GPM6A: variants seen among roughly 807,000 people sequenced by gnomAD.
GPM6A encodes glycoprotein M6A.
In GPM6A, 7 loss-of-function variants were observed where a neutral mutation model predicts 32.1. The observed-to-expected ratio is 0.22, with a 90% confidence interval of 0.12 to 0.41. The LOEUF (loss-of-function observed/expected upper bound fraction) is 0.41, where lower values mean the gene tolerates loss of function less well. Among genes scored for constraint, GPM6A ranks in the 10% least tolerant of loss-of-function variants. The probability of loss-of-function intolerance (pLI) is 1.00; values close to 1 mark genes in which losing one functional copy is unlikely to be tolerated. For synonymous variants in GPM6A, 130 were observed against 123.4 expected, an observed-to-expected ratio of 1.05 and a Z score of -0.35; for missense variants, 235 against 347.2, an observed-to-expected ratio of 0.68 and a Z score of 2.57.
At chr4:175,782,261 C>T (rs530169892) in intron 1 of GPM6A, among the ~76,000 whole-genome samples, 10 of 152,226 alleles carry the variant, frequency 6.6e-5, no homozygotes, top group Non-Finnish European at 1.0e-4. Flanking sequence ...TGTTTCTCAA[C>T]GATTTTTTTC....
At chr4:175,675,056 G>T (rs1743290391) in intron 2 of GPM6A, among the ~76,000 whole-genome samples, 1 of 151,950 alleles carries the variant, frequency 6.6e-6, no homozygotes, top group Non-Finnish European at 1.5e-5. Flanking sequence ...ACTAGGAAAT[G>T]ATATTCAATA....
chr4:175,752,539 C>A (rs1024862146), intron 1 of GPM6A, among the ~76,000 whole-genome samples: 1 of 152,068 alleles, frequency 6.6e-6, no homozygotes, highest in Non-Finnish European at 1.5e-5. Flanking sequence ...CTAAAAAAGT[C>A]GGCTCCAAGA....
chr4:175,720,768 G>T (rs1385473368), intron 1 of GPM6A, among the ~76,000 whole-genome samples: 1 of 152,030 alleles, frequency 6.6e-6, no homozygotes, highest in Non-Finnish European at 1.5e-5. Flanking sequence ...ATGATGTCCA[G>T]TCAAATTATA....
chr4:175,781,045 C>T lies in GPM6A; in HGVS notation c.37+31146G>A, dbSNP rs551696025. 4.6e-5 allele frequency among the ~76,000 whole-genome samples: 7 copies of T among 152,012 alleles called. No homozygotes were observed. The East Asian group carries it at 1.4e-3, about 29-fold the overall frequency. On this transcript the variant is annotated intron_variant, in intron 1 of 6. Transcript: ENST00000393658. Reference sequence around the variant, plus strand: ...ATCAGGAGAGGCAGGAAATGAAATACATAGTTCATCACCAACAAGACCAAA... The same window carrying T: ...ATCAGGAGAGGCAGGAAATGAAATATATAGTTCATCACCAACAAGACCAAA...
intron 1 of GPM6A, among the ~76,000 whole-genome samples, chr4:175,946,778 G>T (rs969828339): frequency 2.6e-5 from 4 of 152,144 alleles, no homozygotes; most frequent in Non-Finnish European, 5.9e-5. Context: ...AGAGCATTCT[G>T]GGGCTTGGAT....
chr4:175,956,226 C>T (rs902099651), intron 1 of GPM6A, among the ~76,000 whole-genome samples: 1 of 152,174 alleles, frequency 6.6e-6, no homozygotes, highest in South Asian at 2.1e-4. Context: ...CAGAAAGACA[C>T]ATGTTCTGTC....
At chr4:175,905,753 A>C (rs749809613) in intron 1 of GPM6A, among the ~76,000 whole-genome samples, 2 of 152,146 alleles carry the variant, frequency 1.3e-5, no homozygotes, top group Admixed American at 1.3e-4. Flanking sequence ...TCATCTAAAA[A>C]TACGGGTCTT....
intron 1 of GPM6A, among the ~76,000 whole-genome samples, chr4:175,958,481 A>C (rs1740059331): frequency 6.6e-6 from 1 of 152,228 alleles, no homozygotes; most frequent in Admixed American, 6.5e-5. Flanking sequence ...AGCCACTTTC[A>C]ACATCTGTCT....
At chr4:175,896,604 AG>A (rs1737800549) in intron 1 of GPM6A, among the ~76,000 whole-genome samples, 1 of 152,082 alleles carries the variant, frequency 6.6e-6, no homozygotes, top group Non-Finnish European at 1.5e-5. Context: ...TAACTCCAAA[AG>A]GCTTCTGTTT....
At chr4:175,962,362 G>C in intron 1 of GPM6A, 1 of 772,862 alleles carries the variant, frequency 1.3e-6, no homozygotes, top group East Asian at 2.5e-5. Flanking sequence ...CCTTCATCTA[G>C]CTCCCTGTTG....
At chr4:175,649,863 T>G (rs1409366790) in intron 4 of GPM6A, among the ~76,000 whole-genome samples, 2 of 152,216 alleles carry the variant, frequency 1.3e-5, no homozygotes, top group East Asian at 3.8e-4. Context: ...CATCTGACAC[T>G]CAAATTTAAC....
chr4:175,850,767 G>C (rs1455743970), intron 1 of GPM6A, among the ~76,000 whole-genome samples: 2 of 150,330 alleles, frequency 1.3e-5, no homozygotes, highest in African/African-American at 4.9e-5. Context: ...TACAGAATGG[G>C]GATACTCATT....
intron 1 of GPM6A, among the ~76,000 whole-genome samples, chr4:175,830,043 C>CA (rs1299794164): frequency 6.6e-6 from 1 of 152,056 alleles, no homozygotes; most frequent in Non-Finnish European, 1.5e-5. Flanking sequence ...TTAATAGATC[C>CA]ACTGCCACTG....
At chr4:175,813,056 T>C (rs1734991238), upstream of GPM6A, 1 of 984,452 alleles carries the variant, frequency 1.0e-6, no homozygotes, top group Non-Finnish European at 1.2e-6. Context: ...ATTATTTTAC[T>C]TAGTGCCATA....
At chr4:175,931,850 C>A (rs1157596599) in intron 1 of GPM6A, among the ~76,000 whole-genome samples, 2 of 151,762 alleles carry the variant, frequency 1.3e-5, no homozygotes, top group African/African-American at 2.4e-5. Context: ...TTTGGGAGGC[C>A]AAGATGGGAG....
At chr4:175,999,196 A>G (rs1029436962) in intron 1 of GPM6A, among the ~76,000 whole-genome samples, 1 of 152,266 alleles carries the variant, frequency 6.6e-6, no homozygotes, top group African/African-American at 2.4e-5. Context: ...AGTGATATAC[A>G]TGTAGTCAAG....
intron 1 of GPM6A, among the ~76,000 whole-genome samples, chr4:175,867,965 C>A (rs1184930462): frequency 6.6e-6 from 1 of 152,182 alleles, no homozygotes; most frequent in Non-Finnish European, 1.5e-5. Flanking sequence ...CCTCTCCCTG[C>A]CAGAAGAGCA....
chr4:175,691,169 G>A (rs1744275969), intron 2 of GPM6A, among the ~76,000 whole-genome samples: 1 of 152,144 alleles, frequency 6.6e-6, no homozygotes, highest in Non-Finnish European at 1.5e-5. Flanking sequence ...ATGAATTTTT[G>A]TCAGTGATAT....
chr4:175,728,062 A>G (rs1264138339), intron 1 of GPM6A, among the ~76,000 whole-genome samples: 6 of 152,020 alleles, frequency 3.9e-5, no homozygotes, highest in Non-Finnish European at 7.4e-5. Flanking sequence ...TAACAATTTC[A>G]GATCATCTCA....
Sources: gnomAD v4.1 joint callset for allele counts (sites outside exome capture counted in the v4.1 genomes callset) on GRCh38, gnomAD v4.1.1 for gene constraint, MANE v1.5 for transcripts, NCBI Gene and HGNC (gene_info 2026-07-23, HGNC 2026-07-21) for gene names.